NCAM1: variants seen among roughly 807,000 people sequenced by gnomAD.
NCAM1 encodes antigen recognized by monoclonal antibody 5.1H11.
Under a neutral mutation model 109.8 loss-of-function variants are expected in NCAM1, and 14 were observed. That is an observed-to-expected ratio of 0.13 (90% CI 0.08 to 0.20). The LOEUF (loss-of-function observed/expected upper bound fraction) is 0.20. Ranked by LOEUF, NCAM1 falls within the 10% of genes least tolerant of loss-of-function variation. The probability of loss-of-function intolerance (pLI) is 1.00; values close to 1 mark genes in which losing one functional copy is unlikely to be tolerated. For missense variants in NCAM1, 774 were observed against 1,109.9 expected, an observed-to-expected ratio of 0.70 and a Z score of 4.30; for synonymous variants, 418 against 442.9, an observed-to-expected ratio of 0.94 and a Z score of 0.70.
intron 1 of NCAM1, among the ~76,000 whole-genome samples, chr11:113,160,827 G>A (rs1024192963): frequency 6.6e-6 from 1 of 152,182 alleles, no homozygotes; most frequent in African/African-American, 2.4e-5. Context: ...TGAAGCCCAA[G>A]CTCGCTGGAC....
chr11:113,095,095 C>T (rs2135800353), intron 1 of NCAM1, among the ~76,000 whole-genome samples: 1 of 152,184 alleles, frequency 6.6e-6, no homozygotes, highest in Non-Finnish European at 1.5e-5. Flanking sequence ...CTGAAAGAAA[C>T]TAAATCTTGA....
At chr11:113,031,524 T>C (rs1392251763) in intron 1 of NCAM1, among the ~76,000 whole-genome samples, 2 of 151,998 alleles carry the variant, frequency 1.3e-5, no homozygotes, top group African/African-American at 4.8e-5. Context: ...AAACCCCTGC[T>C]CCACTAAAAA....
chr11:113,033,685 C>T (rs1425008001), intron 1 of NCAM1, among the ~76,000 whole-genome samples: 4 of 152,162 alleles, frequency 2.6e-5, no homozygotes, highest in African/African-American at 9.6e-5. Context: ...TTTCCAGCTT[C>T]CTTACTCTTA....
chr11:113,213,277 C>A (rs1944438276), intron 7 of NCAM1, among the ~76,000 whole-genome samples: 1 of 152,176 alleles, frequency 6.6e-6, no homozygotes, highest in South Asian at 2.1e-4. Context: ...TTCCTATATT[C>A]ATGAAATAAG....
At chr11:113,109,347 C>CAAAA (rs369724829) in intron 1 of NCAM1, among the ~76,000 whole-genome samples, 8 of 89,188 alleles carry the variant, frequency 9.0e-5, no homozygotes, top group Non-Finnish European at 1.1e-4. Context: ...GACTCTGTCT[C>CAAAA]AAAAAAAAGA....
chr11:113,194,925 A>T (rs942870254), intron 1 of NCAM1, among the ~76,000 whole-genome samples: 9 of 152,210 alleles, frequency 5.9e-5, no homozygotes, highest in Non-Finnish European at 7.3e-5. Context: ...AATGAGATAG[A>T]ATTCTTGGGA....
chr11:113,270,297 C>T lies in NCAM1; in HGVS notation c.2241C>T (p.Asn747=). 1 of 1,614,052 alleles carries T rather than the reference C, an allele frequency of 6.2e-7. No homozygotes were observed. The highest frequency in any genetic ancestry group is 8.5e-7 in the Non-Finnish European group (1 of 1,179,910). ...TGGACATCACCTGCTACTTCCTGAACAAGTGTGGCCTGTTCATGTGCATTG... is the reference window on the plus strand; with the variant it reads ...TGGACATCACCTGCTACTTCCTGAATAAGTGTGGCCTGTTCATGTGCATTG... The part of the protein sequence containing the change: ...VVVDITCYFL[N]KCGLFMCIAV... Residue 747 remains asparagine (N), a synonymous_variant, in exon 18 of 20, where the codon AAC becomes AAT. Coordinates refer to ENST00000316851, the MANE Select transcript of NCAM1 (RefSeq NM_181351.5).
intron 1 of NCAM1, among the ~76,000 whole-genome samples, chr11:112,966,020 C>CT (rs1555065253): frequency 1.3e-5 from 2 of 152,162 alleles, no homozygotes; most frequent in African/African-American, 4.8e-5. Flanking sequence ...TTCAGCATTG[C>CT]TTTTTTGAGC....
At chr11:113,121,926 C>T (rs1591344641) in intron 1 of NCAM1, among the ~76,000 whole-genome samples, 1 of 152,332 alleles carries the variant, frequency 6.6e-6, no homozygotes, top group East Asian at 1.9e-4. Context: ...TGGTCCACAT[C>T]ACAGCTGTGG....
At chr11:113,087,786 C>G (rs1226564131) in intron 1 of NCAM1, among the ~76,000 whole-genome samples, 1 of 152,100 alleles carries the variant, frequency 6.6e-6, no homozygotes. Context: ...CTCTTTTGGC[C>G]TTTTCAGAGA....
At chr11:113,128,086 G>A (rs1941248415) in intron 1 of NCAM1, among the ~76,000 whole-genome samples, 1 of 152,106 alleles carries the variant, frequency 6.6e-6, no homozygotes, top group African/African-American at 2.4e-5. Context: ...TTCCTTGGCT[G>A]GTGTCTGTTT....
chr11:113,001,144 G>T (rs559735765), intron 1 of NCAM1, among the ~76,000 whole-genome samples: 1 of 152,212 alleles, frequency 6.6e-6, no homozygotes, highest in African/African-American at 2.4e-5. Context: ...GTATAGCAGG[G>T]TGATGAGGGG....
intron 1 of NCAM1, among the ~76,000 whole-genome samples, chr11:112,994,075 T>C (rs1457160595): frequency 6.6e-6 from 1 of 152,258 alleles, no homozygotes; most frequent in Admixed American, 6.5e-5. Flanking sequence ...TAATGCCTTT[T>C]TCTTTCTGCT....
At chr11:113,131,662 TC>T (rs1383923148) in intron 1 of NCAM1, among the ~76,000 whole-genome samples, 1 of 152,186 alleles carries the variant, frequency 6.6e-6, no homozygotes, top group Non-Finnish European at 1.5e-5. Flanking sequence ...CAGGCTGTGC[TC>T]CACACAGTCA....
intron 1 of NCAM1, among the ~76,000 whole-genome samples, chr11:112,983,420 A>T (rs574373195): frequency 4.0e-5 from 6 of 150,584 alleles, no homozygotes; most frequent in East Asian, 3.9e-4. Context: ...AAAAATTTGG[A>T]TTTTTTTTTT....
chr11:113,178,000 A>G (rs1224534393), intron 1 of NCAM1, among the ~76,000 whole-genome samples: 3 of 152,104 alleles, frequency 2.0e-5, no homozygotes, highest in Non-Finnish European at 4.4e-5. Flanking sequence ...TAGAAAAGTA[A>G]CTAAATAAAT....
At chr11:113,104,914 G>A (rs1940083605) in intron 1 of NCAM1, among the ~76,000 whole-genome samples, 1 of 152,144 alleles carries the variant, frequency 6.6e-6, no homozygotes, top group Non-Finnish European at 1.5e-5. Context: ...TAATCAAATA[G>A]GCTGTGACTC....
intron 1 of NCAM1, among the ~76,000 whole-genome samples, chr11:113,174,692 AT>A (rs1253209017): frequency 6.6e-6 from 1 of 152,096 alleles, no homozygotes; most frequent in Non-Finnish European, 1.5e-5. Context: ...TATGCTTAGT[AT>A]TTTTTCCACT....
chr11:113,187,891 C>A (rs59629490), intron 1 of NCAM1, among the ~76,000 whole-genome samples: 1 of 152,156 alleles, frequency 6.6e-6, no homozygotes. Flanking sequence ...TAATAGCTTT[C>A]TATAAGATAC....
Sources: gnomAD v4.1 joint callset for allele counts (sites outside exome capture counted in the v4.1 genomes callset) on GRCh38, gnomAD v4.1.1 for gene constraint, MANE v1.5 for transcripts, NCBI Gene and HGNC (gene_info 2026-07-23, HGNC 2026-07-21) for gene names.